The following PRELID2 variants were observed in gnomAD, a reference collection of about 807,000 sequenced individuals.
PRELID2 encodes the protein PRELI domain-containing protein 2.
Under a neutral mutation model 28.4 loss-of-function variants are expected in PRELID2, and 25 were observed. That is an observed-to-expected ratio of 0.88 (90% CI 0.64 to 1.23). The LOEUF is 1.23. Ranked by LOEUF, PRELID2 falls within the 50% of genes most tolerant of loss-of-function variation. The pLI, the probability that PRELID2 is intolerant of heterozygous loss-of-function variation, is 0.00. For missense variants in PRELID2, 201 were observed against 214.4 expected, an observed-to-expected ratio of 0.94 and a Z score of 0.39; for synonymous variants, 76 against 71.6, an observed-to-expected ratio of 1.06 and a Z score of -0.31.
At chr5:145,598,399 G>A (rs182549827) in intron 1 of PRELID2, among the ~76,000 whole-genome samples, 15 of 152,212 alleles carry the variant, frequency 9.9e-5, no homozygotes, top group East Asian at 9.7e-4. Context: ...TCGAAAAACC[G>A]GTCTAGCATC....
At chr5:145,507,626 C>A (rs189688464) in intron 1 of PRELID2, among the ~76,000 whole-genome samples, 1 of 152,270 alleles carries the variant, frequency 6.6e-6, no homozygotes, top group Admixed American at 6.5e-5. Flanking sequence ...TGGCTGCATT[C>A]CCCCATGGCC....
Position 145,733,600 on chromosome 5 carries a change from C to T in PRELID2, n.70+31331G>A, listed in dbSNP as rs575718352. Among the ~76,000 whole-genome samples, 34 of 152,326 alleles carry T rather than the reference C, an allele frequency of 2.2e-4. 1 individual carries two copies. In the South Asian group the frequency reaches 5.6e-3, roughly 25 times the overall value. On this transcript the variant is annotated intron_variant and non_coding_transcript_variant, in intron 1 of 2. Coordinates refer to the PRELID2 transcript ENST00000510259. The stretch of plus-strand genomic sequence containing the variant: ...ACATATTTCTGAAGCAATCTGAGTA[C>T]AGAATCCTTCTAGATTTTCACAAGT...
At chr5:145,266,839 T>A in the PRELID2 span, among the ~76,000 whole-genome samples, 1 of 152,008 alleles carries the variant, frequency 6.6e-6, no homozygotes, top group Non-Finnish European at 1.5e-5. Context: ...CACCATGGAA[T>A]ACTACTCAGC....
At chr5:145,596,654 A>G (rs1315174722) in intron 1 of PRELID2, among the ~76,000 whole-genome samples, 3 of 152,112 alleles carry the variant, frequency 2.0e-5, no homozygotes, top group Non-Finnish European at 2.9e-5. Context: ...CACAACAAAC[A>G]CTGTGATTTA....
intron 1 of PRELID2, among the ~76,000 whole-genome samples, chr5:145,557,096 T>G (rs1020794299): frequency 3.3e-5 from 5 of 152,188 alleles, no homozygotes; most frequent in African/African-American, 1.2e-4. Context: ...TGTTCACCAG[T>G]ATGTCCCCAA....
At chr5:145,576,086 T>A (rs1198518498) in intron 1 of PRELID2, among the ~76,000 whole-genome samples, 1 of 152,316 alleles carries the variant, frequency 6.6e-6, no homozygotes, top group East Asian at 1.9e-4. Flanking sequence ...TGTGCTGTCA[T>A]GGGCCTTTTT....
At chr5:145,330,521 A>T in the PRELID2 span, among the ~76,000 whole-genome samples, 1 of 152,150 alleles carries the variant, frequency 6.6e-6, no homozygotes, top group African/African-American at 2.4e-5. Context: ...TGTGTCCAGG[A>T]ATTTATCCAT....
chr5:145,341,311 A>G, the PRELID2 span, among the ~76,000 whole-genome samples: 1 of 152,190 alleles, frequency 6.6e-6, no homozygotes, highest in Non-Finnish European at 1.5e-5. Context: ...AATTTTAAAG[A>G]TGCTTGGTGA....
At chr5:145,721,507 AAC>A (rs1755988960) in intron 1 of PRELID2, among the ~76,000 whole-genome samples, 1 of 152,304 alleles carries the variant, frequency 6.6e-6, no homozygotes, top group East Asian at 1.9e-4. Context: ...GAGCAAAGCA[AAC>A]ACATCATATA....
chr5:145,421,999 T>C, the PRELID2 span, among the ~76,000 whole-genome samples: 1 of 150,984 alleles, frequency 6.6e-6, no homozygotes, highest in Admixed American at 6.6e-5. Flanking sequence ...TACCCAGTAG[T>C]CATTCAGGAG....
At chr5:145,532,366 C>A (rs1752661043) in intron 1 of PRELID2, among the ~76,000 whole-genome samples, 1 of 151,932 alleles carries the variant, frequency 6.6e-6, no homozygotes, top group African/African-American at 2.4e-5. Flanking sequence ...AAAAATTGTA[C>A]ATATTTAGAG....
At chr5:145,672,551 T>G (rs1754729510) in intron 1 of PRELID2, among the ~76,000 whole-genome samples, 1 of 151,228 alleles carries the variant, frequency 6.6e-6, no homozygotes. Flanking sequence ...TATTTCCTCC[T>G]GTATAGCCAC....
At chr5:145,541,123 T>C (rs1024587558) in intron 1 of PRELID2, among the ~76,000 whole-genome samples, 8 of 152,056 alleles carry the variant, frequency 5.3e-5, no homozygotes, top group Admixed American at 1.3e-4. Context: ...TTCTGTTTGT[T>C]AAAATTTTTT....
chr5:145,730,877 G>A (rs1972778), intron 1 of PRELID2, among the ~76,000 whole-genome samples: 120,211 of 151,866 alleles, frequency 0.79, 48,465 homozygotes, highest in East Asian at 0.88. Flanking sequence ...CCCTCTGGCC[G>A]GAAAGATGCC....
intron 1 of PRELID2, among the ~76,000 whole-genome samples, chr5:145,529,505 T>C (rs1025542437): frequency 1.3e-5 from 2 of 152,186 alleles, no homozygotes; most frequent in Admixed American, 1.3e-4. Flanking sequence ...ATTTGAATTA[T>C]CTTGAGAATC....
At chr5:145,816,076 CTTTTTTTTTT>C (rs1191298938) in intron 4 of PRELID2, among the ~76,000 whole-genome samples, 2 of 89,042 alleles carry the variant, frequency 2.2e-5, no homozygotes, top group Non-Finnish European at 4.4e-5. Flanking sequence ...TATTGTGTGT[CTTTTTTTTTT>C]TTTTTTTTTT....
the PRELID2 span, among the ~76,000 whole-genome samples, chr5:145,296,990 C>T: frequency 6.6e-6 from 1 of 152,160 alleles, no homozygotes; most frequent in South Asian, 2.1e-4. Context: ...TAAATGTCTT[C>T]TTTTGAGAAG....
intron 1 of PRELID2, among the ~76,000 whole-genome samples, chr5:145,697,033 TTATATATATATATATATA>T (rs36117637): frequency 0.019 from 952 of 50,652 alleles, 25 homozygotes; most frequent in African/African-American, 0.041. Flanking sequence ...GAGAGGAAAA[TTATATATATATATATATA>T]TATATATATA....
intron 1 of PRELID2, among the ~76,000 whole-genome samples, chr5:145,660,929 G>C (rs1479158966): frequency 1.3e-5 from 2 of 152,012 alleles, no homozygotes; most frequent in Non-Finnish European, 2.9e-5. Context: ...TTTGTAGATC[G>C]GCAACTATAG....
Sources: allele counts gnomAD v4.1 joint callset (sites outside exome capture counted in the v4.1 genomes callset), GRCh38; gene constraint gnomAD v4.1.1; transcripts MANE v1.5; gene names NCBI Gene and HGNC (gene_info 2026-07-23, HGNC 2026-07-21).